PCDHGA5: variants seen among roughly 807,000 people sequenced by gnomAD.
PCDHGA5 encodes protocadherin gamma-A5.
A neutral mutation model predicts 56.7 loss-of-function variants in PCDHGA5; 36 were observed. The observed-to-expected ratio is 0.64, with a 90% CI of 0.49 to 0.84. PCDHGA5 has a LOEUF of 0.84. Among genes scored for constraint, PCDHGA5 ranks in the 40% least tolerant of loss-of-function variants. The pLI is 0.00. For missense variants in PCDHGA5, 1,305 were observed against 1,201.5 expected (o/e 1.09, Z -1.27); for synonymous variants, 563 against 520.2 (o/e 1.08, Z -1.12).
chr5:141,371,887 C>A (rs372336757), intron 1 of PCDHGA5: 2 of 1,613,424 alleles, frequency 1.2e-6, no homozygotes, highest in Non-Finnish European at 1.7e-6. Flanking sequence ...GACCTGGAGC[C>A]GCGGGAGCTG....
chr5:141,423,234 C>A (rs1408925478), intron 1 of PCDHGA5: 1 of 1,613,800 alleles, frequency 6.2e-7, no homozygotes, highest in Non-Finnish European at 8.5e-7. Context: ...CCGACAGCAT[C>A]CCCGAAGTCC....
At chr5:141,452,511 A>G (rs573632978) in intron 1 of PCDHGA5, among the ~76,000 whole-genome samples, 1 of 152,056 alleles carries the variant, frequency 6.6e-6, no homozygotes, top group South Asian at 2.1e-4. Context: ...TTGTACACAC[A>G]CTCCCTCAAA....
chr5:141,471,730 G>A (rs535784858), intron 1 of PCDHGA5, among the ~76,000 whole-genome samples: 1 of 152,292 alleles, frequency 6.6e-6, no homozygotes, highest in East Asian at 1.9e-4. Context: ...GGTAAGGAAG[G>A]TTGGAGACAT....
At chr5:141,445,844 A>T (rs979756627) in intron 1 of PCDHGA5, among the ~76,000 whole-genome samples, 3 of 152,216 alleles carry the variant, frequency 2.0e-5, no homozygotes, top group Admixed American at 1.3e-4. Context: ...TGTAAATCAC[A>T]CTTAAAATTC....
At chr5:141,422,219 C>T in intron 1 of PCDHGA5, 1 of 1,564,678 alleles carries the variant, frequency 6.4e-7, no homozygotes, top group Non-Finnish European at 8.6e-7. Context: ...CTCTTTACCA[C>T]CACGACGATG....
rs148331367 is a variant in PCDHGA5 at position 141,435,055 on chromosome 5, A to C, written c.2422-59752A>C. ...TTTATTTTTTTCCCATTGACCATGC[A>C]GCAGTTTTGTGTAGACCGTCTGATA... On this transcript the variant is annotated intron_variant, in intron 1 of 3. Transcript: ENST00000518069. Among the ~76,000 whole-genome samples, 21 of 152,242 alleles carry C rather than the reference A, an allele frequency of 1.4e-4. No individual in the cohort carries two copies. The East Asian group carries it at 4.0e-3, about 29-fold the overall frequency.
intron 1 of PCDHGA5, among the ~76,000 whole-genome samples, chr5:141,483,340 C>T (rs906468552): frequency 5.9e-5 from 9 of 152,036 alleles, no homozygotes; most frequent in Non-Finnish European, 1.2e-4. Flanking sequence ...GATCTTATCT[C>T]TTTGCAATAG....
chr5:141,414,648 T>G (rs2095770464), intron 1 of PCDHGA5: 2 of 1,613,844 alleles, frequency 1.2e-6, no homozygotes, highest in Non-Finnish European at 1.7e-6. Context: ...ATGCCCAGAT[T>G]ATTTACTCCC....
intron 1 of PCDHGA5, among the ~76,000 whole-genome samples, chr5:141,450,639 A>T (rs1390959433): frequency 6.6e-6 from 1 of 151,390 alleles, no homozygotes; most frequent in Non-Finnish European, 1.5e-5. Flanking sequence ...GATGCCTGCC[A>T]CCATGCCTGG....
chr5:141,384,768 G>C (rs1046016115), intron 1 of PCDHGA5: 4 of 1,613,804 alleles, frequency 2.5e-6, no homozygotes, highest in Non-Finnish European at 3.4e-6. Context: ...GGCTGTACAC[G>C]GGCGAGGTGC....
At chr5:141,410,195 G>C (rs769655902) in intron 1 of PCDHGA5, 1 of 1,613,966 alleles carries the variant, frequency 6.2e-7, no homozygotes, top group South Asian at 1.1e-5. Flanking sequence ...TCTGGTCTTC[G>C]CAGACAACTT....
intron 1 of PCDHGA5, chr5:141,376,844 G>C (rs897403160): frequency 1.7e-5 from 4 of 242,114 alleles, no homozygotes; most frequent in Non-Finnish European, 3.2e-5. Context: ...CCGCCACCGC[G>C]CCCGGCTAAT....
chr5:141,419,315 C>A lies in PCDHGA5; in HGVS notation c.2421+52564C>A, dbSNP rs2096357855. ...TGACCCAGACTTCGGGCTCAACGGC[C>A]GTGTCTCCTACTCTCTCATTGCCAG... On this transcript the variant is annotated intron_variant, in intron 1 of 3. Transcript: ENST00000518069. 3 of 1,613,880 alleles carry A rather than the reference C, an allele frequency of 1.9e-6. No homozygotes were observed. Among genetic ancestry groups the A allele is most frequent in the Non-Finnish European group, 2.5e-6 (3 of 1,179,910 alleles).
chr5:141,395,063 G>A, intron 1 of PCDHGA5: 3 of 1,614,168 alleles, frequency 1.9e-6, no homozygotes, highest in Non-Finnish European at 2.5e-6. Flanking sequence ...AGGCTTTCCT[G>A]CAGACCTATT....
chr5:141,418,941 C>G, intron 1 of PCDHGA5: 1 of 1,614,034 alleles, frequency 6.2e-7, no homozygotes, highest in East Asian at 2.2e-5. Flanking sequence ...GAGGATTCCC[C>G]TCCAGGAGTG....
chr5:141,481,021 GC>G (rs2099529893), intron 1 of PCDHGA5, among the ~76,000 whole-genome samples: 1 of 152,076 alleles, frequency 6.6e-6, no homozygotes, highest in Non-Finnish European at 1.5e-5. Context: ...TCACACCACT[GC>G]ACTCCAGCCT....
chr5:141,500,871 T>C (rs2154592764), intron 2 of PCDHGA5, among the ~76,000 whole-genome samples: 1 of 135,840 alleles, frequency 7.4e-6, no homozygotes, highest in African/African-American at 3.0e-5. Context: ...TACACATTCA[T>C]TTACAATTTT....
chr5:141,458,512 T>TG (rs2098947554), intron 1 of PCDHGA5, among the ~76,000 whole-genome samples: 2 of 150,084 alleles, frequency 1.3e-5, no homozygotes, highest in African/African-American at 5.0e-5. Context: ...TTTGACACTT[T>TG]GTTTTTTTTT....
intron 1 of PCDHGA5, chr5:141,388,375 G>A (rs2091339163): frequency 7.4e-6 from 12 of 1,613,962 alleles, no homozygotes; most frequent in Non-Finnish European, 1.0e-5. Flanking sequence ...GATATTGGTA[G>A]CAACACACTG....
Sources: gnomAD v4.1 joint callset for allele counts (sites outside exome capture counted in the v4.1 genomes callset) on GRCh38, gnomAD v4.1.1 for gene constraint, MANE v1.5 for transcripts, NCBI Gene and HGNC (gene_info 2026-07-23, HGNC 2026-07-21) for gene names.